The following NKAIN2 variants were observed in gnomAD, a reference collection of about 807,000 sequenced individuals.
NKAIN2 encodes sodium/potassium transporting ATPase interacting 2.
A neutral mutation model predicts 32.6 loss-of-function variants in NKAIN2; 14 were observed. That is an observed-to-expected ratio of 0.43 (90% CI 0.28 to 0.67). NKAIN2 has a LOEUF of 0.67. Ranked by LOEUF, NKAIN2 falls within the 30% of genes least tolerant of loss-of-function variation. NKAIN2 has a pLI of 0.17. For missense variants in NKAIN2, 198 were observed against 258.3 expected, an observed-to-expected ratio of 0.77 and a Z score of 1.60; for synonymous variants, 80 against 87.2, an observed-to-expected ratio of 0.92 and a Z score of 0.46.
intron 4 of NKAIN2, among the ~76,000 whole-genome samples, chr6:124,780,976 G>A (rs1309472669): frequency 6.6e-6 from 1 of 152,182 alleles, no homozygotes; most frequent in Admixed American, 6.5e-5. Flanking sequence ...GATTTGTCTG[G>A]TAGCTGAGCC....
chr6:124,794,285 G>A (rs1032608252), intron 5 of NKAIN2, among the ~76,000 whole-genome samples: 9 of 152,024 alleles, frequency 5.9e-5, no homozygotes, highest in South Asian at 4.1e-4. Context: ...GCCCCTCTCC[G>A]ACCTGGACAC....
At chr6:124,819,046 A>G in intron 6 of NKAIN2, 1 of 382,504 alleles carries the variant, frequency 2.6e-6, no homozygotes, top group Non-Finnish European at 3.6e-6. Flanking sequence ...TCAGGAGAGC[A>G]GACATACAAT....
At chr6:124,264,127 T>C (rs1794375368) in intron 1 of NKAIN2, among the ~76,000 whole-genome samples, 1 of 152,238 alleles carries the variant, frequency 6.6e-6, no homozygotes, top group African/African-American at 2.4e-5. Context: ...TATTTTAATT[T>C]TCATAAGAAC....
At chr6:124,605,702 C>T (rs1467823987) in intron 3 of NKAIN2, among the ~76,000 whole-genome samples, 1 of 151,962 alleles carries the variant, frequency 6.6e-6, no homozygotes, top group Non-Finnish European at 1.5e-5. Context: ...GTCAGAATTT[C>T]CCATCGTAGA....
At chr6:124,596,962 T>C (rs1382704057) in intron 3 of NKAIN2, among the ~76,000 whole-genome samples, 1 of 152,138 alleles carries the variant, frequency 6.6e-6, no homozygotes, top group Non-Finnish European at 1.5e-5. Context: ...AGAAGACCGA[T>C]GTCCCAACTT....
At chr6:123,812,607 A>G (rs1434346315) in intron 1 of NKAIN2, among the ~76,000 whole-genome samples, 1 of 152,200 alleles carries the variant, frequency 6.6e-6, no homozygotes, top group African/African-American at 2.4e-5. Flanking sequence ...GAACTCCAGA[A>G]CACCTTGGAG....
At chr6:124,078,786 T>TGTGTGTG (rs1783815294) in intron 1 of NKAIN2, among the ~76,000 whole-genome samples, 1 of 144,642 alleles carries the variant, frequency 6.9e-6, no homozygotes, top group African/African-American at 2.6e-5. Context: ...TATGTCGTTT[T>TGTGTGTG]TGTGTGTGTG....
intron 1 of NKAIN2, among the ~76,000 whole-genome samples, chr6:124,266,177 A>C (rs1380313486): frequency 6.6e-6 from 1 of 152,178 alleles, no homozygotes; most frequent in Non-Finnish European, 1.5e-5. Flanking sequence ...GCATTCTAAG[A>C]ATGTTTATTG....
intron 3 of NKAIN2, among the ~76,000 whole-genome samples, chr6:124,575,946 A>G (rs1171990786): frequency 1.3e-5 from 2 of 152,206 alleles, no homozygotes; most frequent in Non-Finnish European, 2.9e-5. Flanking sequence ...TGCAAAAGCA[A>G]TGATGAGTTA....
intron 4 of NKAIN2, among the ~76,000 whole-genome samples, chr6:124,751,487 G>C (rs1043444355): frequency 1.3e-5 from 2 of 151,886 alleles, no homozygotes; most frequent in Non-Finnish European, 2.9e-5. Context: ...TATATTTCTG[G>C]ATCAGAAAGG....
At chr6:124,385,472 C>T (rs902655779) in intron 3 of NKAIN2, among the ~76,000 whole-genome samples, 1 of 152,090 alleles carries the variant, frequency 6.6e-6, no homozygotes, top group Non-Finnish European at 1.5e-5. Flanking sequence ...TATAACCACC[C>T]CTAGATCTTT....
chr6:124,628,791 C>G (rs1480924034), intron 3 of NKAIN2, among the ~76,000 whole-genome samples: 1 of 152,002 alleles, frequency 6.6e-6, no homozygotes, highest in Non-Finnish European at 1.5e-5. Context: ...TATTATTTAG[C>G]TTCCAGGCAT....
chr6:124,074,942 T>C (rs1315321719), intron 1 of NKAIN2, among the ~76,000 whole-genome samples: 1 of 152,224 alleles, frequency 6.6e-6, no homozygotes, highest in Non-Finnish European at 1.5e-5. Flanking sequence ...TCACGTTTTA[T>C]TCATGAGCCT....
intron 4 of NKAIN2, among the ~76,000 whole-genome samples, chr6:124,660,614 T>A (rs1020488831): frequency 2.6e-5 from 4 of 152,210 alleles, no homozygotes; most frequent in African/African-American, 9.7e-5. Flanking sequence ...AGGAATAGTT[T>A]GAGTAAACCA....
At chr6:124,410,497 T>A (rs1289960994) in intron 3 of NKAIN2, among the ~76,000 whole-genome samples, 1 of 152,208 alleles carries the variant, frequency 6.6e-6, no homozygotes, top group East Asian at 1.9e-4. Context: ...TCCATGTAGT[T>A]GAGCGGTTTT....
At chr6:124,456,114 A>G (rs1776312114) in intron 3 of NKAIN2, among the ~76,000 whole-genome samples, 1 of 151,902 alleles carries the variant, frequency 6.6e-6, no homozygotes, top group South Asian at 2.1e-4. Flanking sequence ...ATAAACTTTA[A>G]AAAATATCCC....
At chr6:124,023,622 T>C (rs1780972424) in intron 1 of NKAIN2, among the ~76,000 whole-genome samples, 1 of 152,202 alleles carries the variant, frequency 6.6e-6, no homozygotes, top group South Asian at 2.1e-4. Flanking sequence ...TCAGTAATAA[T>C]ATATTTTAAA....
At chr6:124,634,566 A>C (rs1783699763) in intron 3 of NKAIN2, among the ~76,000 whole-genome samples, 1 of 152,174 alleles carries the variant, frequency 6.6e-6, no homozygotes, top group South Asian at 2.1e-4. Context: ...AAAAAAGAAT[A>C]ATAAAAGCCT....
chr6:124,759,652 CACA>C (rs1290891033), intron 4 of NKAIN2, among the ~76,000 whole-genome samples: 74 of 80,698 alleles, frequency 9.2e-4, no homozygotes, highest in African/African-American at 2.2e-3. Context: ...CACACACACA[CACA>C]CCCCCTATCT....
Sources: gnomAD v4.1 joint callset for allele counts (sites outside exome capture counted in the v4.1 genomes callset) on GRCh38, gnomAD v4.1.1 for gene constraint, MANE v1.5 for transcripts, NCBI Gene and HGNC (gene_info 2026-07-23, HGNC 2026-07-21) for gene names.